Variants in SSH1 observed in about 807,000 individuals in gnomAD.
The protein encoded by SSH1 is slingshot protein phosphatase 1.
In SSH1, 43 loss-of-function variants were observed where a neutral mutation model predicts 79.7. The observed-to-expected ratio is 0.54, with a 90% CI of 0.42 to 0.70. The LOEUF (loss-of-function observed/expected upper bound fraction) is 0.70. SSH1 is among the 30% of genes least tolerant of loss of function. The pLI is 0.00. For synonymous variants in SSH1, 599 were observed against 538.3 expected (o/e 1.11, Z -1.56); for missense variants, 1,206 against 1,358.8 (o/e 0.89, Z 1.77).
chr12:108,790,768 T>C (rs1488515507), intron 14 of SSH1, among the ~76,000 whole-genome samples: 1 of 152,238 alleles, frequency 6.6e-6, no homozygotes, highest in Non-Finnish European at 1.5e-5. Context: ...TGAATGCATC[T>C]GTCAGGACCC....
At chr12:108,827,079 G>A (rs934015777) in intron 2 of SSH1, among the ~76,000 whole-genome samples, 3 of 151,594 alleles carry the variant, frequency 2.0e-5, no homozygotes, top group African/African-American at 7.3e-5. Context: ...ATCTGTTCTC[G>A]GACACTGATT....
intron 14 of SSH1, among the ~76,000 whole-genome samples, chr12:108,790,927 T>C (rs1157341244): frequency 6.6e-5 from 10 of 152,170 alleles, no homozygotes; most frequent in African/African-American, 2.4e-5. Flanking sequence ...CCTGCATCAC[T>C]TCCCCCATGG....
intron 5 of SSH1, among the ~76,000 whole-genome samples, chr12:108,815,403 A>G (rs971807273): frequency 6.6e-6 from 1 of 152,230 alleles, no homozygotes; most frequent in Non-Finnish European, 1.5e-5. Context: ...GGATCAAGAC[A>G]TTGGGCACAG....
intron 2 of SSH1, among the ~76,000 whole-genome samples, chr12:108,842,603 T>C (rs1362627976): frequency 6.6e-6 from 1 of 151,976 alleles, no homozygotes; most frequent in African/African-American, 2.4e-5. Flanking sequence ...GCTCAGGGAG[T>C]TGACGGGACC....
chr12:108,802,525 A>T (rs2037059306), intron 10 of SSH1, among the ~76,000 whole-genome samples, 157 bp from the exon 11 acceptor site: 1 of 152,100 alleles, frequency 6.6e-6, no homozygotes, highest in Non-Finnish European at 1.5e-5. Context: ...ATATTCAAGG[A>T]GATTCCTGAG....
At chr12:108,829,272 A>G (rs1382638100) in intron 2 of SSH1, among the ~76,000 whole-genome samples, 2 of 152,212 alleles carry the variant, frequency 1.3e-5, no homozygotes, top group African/African-American at 4.8e-5. Flanking sequence ...GGTTGCAGTG[A>G]GCCAAGATCG....
Position 108,840,799 on chromosome 12 carries a change from G to A in SSH1, c.110+11839C>T, listed in dbSNP as rs533061308. On this transcript the variant is annotated intron_variant, in intron 2 of 14. Coordinates refer to ENST00000326495, the MANE Select transcript of SSH1 (RefSeq NM_018984.4). ...TGGCTCTGCTCCTGGGGGCAGACGCGGCAGGCTAAGCCCTGCGGAGGAGGA... is the reference window on the plus strand; with the variant it reads ...TGGCTCTGCTCCTGGGGGCAGACGCAGCAGGCTAAGCCCTGCGGAGGAGGA... Among the ~76,000 whole-genome samples, 5 of 152,278 alleles carry A rather than the reference G, an allele frequency of 3.3e-5. No homozygotes were observed. The South Asian group carries it at 6.2e-4, about 19-fold the overall frequency.
In SSH1 at chr12:108,778,296, C is replaced by T. The variant is rs1317455839; in HGVS notation, c.*9692G>A. Reference sequence around the variant, plus strand: ...ACAGGGGCTCCTTTTCATGGCATATCTCATTTACTCCCTCACTCTCTCAGC... The same window carrying T: ...ACAGGGGCTCCTTTTCATGGCATATTTCATTTACTCCCTCACTCTCTCAGC... On this transcript the variant is annotated 3_prime_UTR_variant, in exon 15 of 15. Coordinates refer to ENST00000326495, the MANE Select transcript of SSH1 (RefSeq NM_018984.4). 3 of 152,202 alleles carry T rather than the reference C, an allele frequency of 2.0e-5. No individual in the cohort carries two copies. The highest frequency in any genetic ancestry group is 4.4e-5 in the Non-Finnish European group (3 of 68,052). The allele number at this position is 152,202 out of a possible 1,614,324, so 9.4% of individuals were successfully genotyped here. A position where few individuals can be genotyped will look rare whatever the true frequency, so the allele number is the denominator to read the frequency against.
chr12:108,824,639 C>T (rs1227961649), intron 2 of SSH1, among the ~76,000 whole-genome samples: 1 of 152,026 alleles, frequency 6.6e-6, no homozygotes, highest in Non-Finnish European at 1.5e-5. Context: ...TTATAACTAC[C>T]TATAACTTTA....
At position 108,803,124 on chromosome 12, in the gene SSH1, G is replaced by A. The variant is rs537973862; in HGVS notation, c.955-756C>T. 5.3e-5 allele frequency among the ~76,000 whole-genome samples: 8 copies of A among 152,078 alleles called. 1 individual carries two copies. The South Asian group carries it at 1.0e-3, about 20-fold the overall frequency. On this transcript the variant is annotated intron_variant, in intron 10 of 14. Transcript: ENST00000326495. ...AGTATGATCCTTTCTTTCTTTGTGC[G>A]TTTTCAAAGAAGCTATATATGCATT...
chr12:108,802,782 G>T (rs549849744), intron 10 of SSH1, among the ~76,000 whole-genome samples: 1 of 152,192 alleles, frequency 6.6e-6, no homozygotes, highest in African/African-American at 2.4e-5. Context: ...TCTACCTTCT[G>T]GGAAGTATTT....
chr12:108,788,312 G>A lies in SSH1; in HGVS notation c.2826C>T (p.His942=). The change falls in exon 15 of 15, where the codon CAC becomes CAT. Residue 942 remains histidine (H), a synonymous_variant. Transcript: ENST00000326495. ...LTRSSSSDSI[H]SVRGKPGLVK... ...CCAGCCCGGGCTTCCCACGGACACT[G>A]TGGATGCTATCGCTGCTGGAGCTCC... The A allele has an allele frequency of 6.2e-7, 1 of 1,613,500 alleles. No individual in the cohort carries two copies. The highest frequency in any genetic ancestry group is 1.7e-4 in the Middle Eastern group (1 of 6,060).
intron 14 of SSH1, among the ~76,000 whole-genome samples, chr12:108,791,566 C>T (rs762995843): frequency 6.7e-4 from 102 of 152,102 alleles, no homozygotes; most frequent in Non-Finnish European, 1.2e-3. Context: ...TGAGACCAGG[C>T]TGGGCAACAG....
chr12:108,826,427 T>A (rs1316193129), intron 2 of SSH1: 1 of 272,520 alleles, frequency 3.7e-6, no homozygotes, highest in Admixed American at 5.2e-5. Flanking sequence ...GACTGGAAGC[T>A]GCAGGGAAGC....
intron 6 of SSH1, 70 bp from the exon 7 acceptor site, chr12:108,809,828 G>A: frequency 7.2e-7 from 1 of 1,389,116 alleles, no homozygotes; most frequent in Non-Finnish European, 1.0e-6. Flanking sequence ...ATCACTCTGG[G>A]AGGAGGGAGC....
intron 2 of SSH1, among the ~76,000 whole-genome samples, chr12:108,840,003 T>C (rs2038737014): frequency 6.6e-6 from 1 of 152,184 alleles, no homozygotes. Context: ...GTGAGCTAAG[T>C]GGCAAGGCCG....
At chr12:108,821,932 G>A (rs2038137087) in intron 3 of SSH1, among the ~76,000 whole-genome samples, 1 of 152,200 alleles carries the variant, frequency 6.6e-6, no homozygotes. Flanking sequence ...TTCACCTGCT[G>A]CTGTTCTGAA....
intron 2 of SSH1, among the ~76,000 whole-genome samples, chr12:108,846,364 T>G (rs932746671): frequency 2.6e-5 from 4 of 151,702 alleles, no homozygotes; most frequent in Non-Finnish European, 5.9e-5. Flanking sequence ...GTGTCCTACC[T>G]AGCCCACAAC....
intron 2 of SSH1, among the ~76,000 whole-genome samples, chr12:108,843,447 G>A (rs990565056): frequency 1.3e-5 from 2 of 152,144 alleles, no homozygotes; most frequent in Non-Finnish European, 2.9e-5. Flanking sequence ...GGCAGGGCCA[G>A]CTTCTTCATA....
Sources: allele counts gnomAD v4.1 joint callset (sites outside exome capture counted in the v4.1 genomes callset), GRCh38; gene constraint gnomAD v4.1.1; transcripts MANE v1.5; gene names NCBI Gene and HGNC (gene_info 2026-07-23, HGNC 2026-07-21).